The following MRPS27 variants were observed in gnomAD, a reference collection of about 807,000 sequenced individuals.
MRPS27 encodes the protein mitochondrial ribosomal protein S27, also known as small ribosomal subunit protein mS27.
Under a neutral mutation model 48.9 loss-of-function variants are expected in MRPS27, and 43 were observed. The observed-to-expected ratio is 0.88, with a 90% CI of 0.69 to 1.13. The LOEUF (loss-of-function observed/expected upper bound fraction) is 1.13, where lower values mean the gene tolerates loss of function less well. Ranked by LOEUF, MRPS27 falls within the 50% of genes most tolerant of loss-of-function variation. MRPS27 has a pLI of 0.00. For missense variants in MRPS27, 467 were observed against 476.3 expected (o/e 0.98, Z 0.18); for synonymous variants, 188 against 171.9 (o/e 1.09, Z -0.73).
At chr5:72,257,315 T>A (rs1282649675) in intron 4 of MRPS27, among the ~76,000 whole-genome samples, 1 of 152,202 alleles carries the variant, frequency 6.6e-6, no homozygotes. Flanking sequence ...AAATCAATAA[T>A]ATAATCCTGC....
chr5:72,258,251 G>A (rs1036484110), intron 4 of MRPS27, among the ~76,000 whole-genome samples: 12 of 152,076 alleles, frequency 7.9e-5, no homozygotes, highest in African/African-American at 2.9e-4. Flanking sequence ...TAGGAGAAGG[G>A]CCTACTGTTC....
intron 2 of MRPS27, among the ~76,000 whole-genome samples, chr5:72,304,638 A>C (rs1204286330): frequency 6.6e-6 from 1 of 152,234 alleles, no homozygotes; most frequent in East Asian, 1.9e-4. Context: ...GTGCACACCA[A>C]AGTAACACAG....
At chr5:72,271,540 A>G (rs1209948578) in intron 4 of MRPS27, among the ~76,000 whole-genome samples, 1 of 152,210 alleles carries the variant, frequency 6.6e-6, no homozygotes, top group African/African-American at 2.4e-5. Context: ...ATTGCTCTAG[A>G]TTAAAAGAGA....
intron 4 of MRPS27, among the ~76,000 whole-genome samples, chr5:72,251,371 C>A (rs1748660098): frequency 6.6e-6 from 1 of 152,124 alleles, no homozygotes; most frequent in Non-Finnish European, 1.5e-5. Flanking sequence ...CAAAGTTTTG[C>A]CAGTCAGGCT....
At chr5:72,295,383 A>G in intron 4 of MRPS27, 148 bp downstream of exon 4, 3 of 591,448 alleles carry the variant, frequency 5.1e-6, no homozygotes, top group Non-Finnish European at 8.9e-6. Flanking sequence ...GTTATAAAAA[A>G]TCAGAAACTC....
chr5:72,252,714 G>C (rs1189961939), intron 4 of MRPS27, among the ~76,000 whole-genome samples: 1 of 152,180 alleles, frequency 6.6e-6, no homozygotes, highest in African/African-American at 2.4e-5. Context: ...TAATGGAATT[G>C]CATTTGGCAT....
intron 4 of MRPS27, among the ~76,000 whole-genome samples, chr5:72,280,263 G>A (rs190078290): frequency 7.9e-5 from 12 of 152,284 alleles, no homozygotes; most frequent in Non-Finnish European, 1.3e-4. Flanking sequence ...AATTTCTGCT[G>A]AGATTTTGGT....
chr5:72,248,669 TAAAAAAAAAAAAAA>T (rs36063387), intron 4 of MRPS27, among the ~76,000 whole-genome samples: 2 of 70,294 alleles, frequency 2.8e-5, no homozygotes, highest in Non-Finnish European at 5.0e-5. Context: ...CATTTTCATT[TAAAAAAAAAAAAAA>T]AAAAAAAAAA....
In MRPS27 at chr5:72,249,512, C is replaced by T. The variant is rs553353337; in HGVS notation, c.282-11384G>A. 5.3e-5 allele frequency among the ~76,000 whole-genome samples: 8 copies of T among 151,864 alleles called. No homozygotes were observed. The East Asian group carries it at 7.8e-4, about 15-fold the overall frequency. ...CAGCCTGGCCAAAATGGTGAAACCCCGTCTCTACTAAAAAATACAAAAATT... is the reference window on the plus strand; with the variant it reads ...CAGCCTGGCCAAAATGGTGAAACCCTGTCTCTACTAAAAAATACAAAAATT... On this transcript the variant is annotated intron_variant, in intron 4 of 10. Transcript: ENST00000261413.
intron 6 of MRPS27, among the ~76,000 whole-genome samples, chr5:72,233,590 A>G (rs1748117485): frequency 6.6e-6 from 1 of 152,144 alleles, no homozygotes; most frequent in Non-Finnish European, 1.5e-5. Context: ...GGCCACACGC[A>G]TGGATTTCTA....
chr5:72,248,195 A>G (rs1046193935), intron 4 of MRPS27, among the ~76,000 whole-genome samples: 28 of 152,224 alleles, frequency 1.8e-4, no homozygotes, highest in African/African-American at 6.8e-4. Context: ...TGAATATTTG[A>G]AATTATACAA....
At chr5:72,230,984 C>G (rs56320323) in intron 7 of MRPS27, among the ~76,000 whole-genome samples, 2 of 152,084 alleles carry the variant, frequency 1.3e-5, no homozygotes, top group Admixed American at 6.6e-5. Context: ...GGTAGTCTCT[C>G]GGATGGTCTG....
chr5:72,228,566 C>T, intron 7 of MRPS27, 198 bp from the exon 8 acceptor site: 1 of 413,920 alleles, frequency 2.4e-6, no homozygotes, highest in Non-Finnish European at 4.2e-6. Context: ...AAAGAAATAC[C>T]CTATATGTTA....
At chr5:72,269,108 T>G (rs995004070) in intron 4 of MRPS27, among the ~76,000 whole-genome samples, 1 of 152,230 alleles carries the variant, frequency 6.6e-6, no homozygotes, top group African/African-American at 2.4e-5. Flanking sequence ...TTCAGGATTG[T>G]TGCATATGAG....
intron 4 of MRPS27, among the ~76,000 whole-genome samples, chr5:72,293,428 A>G (rs1296566903): frequency 1.3e-5 from 2 of 152,228 alleles, no homozygotes; most frequent in Non-Finnish European, 2.9e-5. Context: ...TGTCCAATTA[A>G]ACAGTGGCTC....
chr5:72,225,666 T>C (rs537776357), intron 9 of MRPS27, among the ~76,000 whole-genome samples: 10 of 152,332 alleles, frequency 6.6e-5, no homozygotes, highest in Admixed American at 2.0e-4. Context: ...GATTCATTTC[T>C]TGAGGACTTT....
At chr5:72,292,686 C>T (rs548012166) in intron 4 of MRPS27, among the ~76,000 whole-genome samples, 6 of 152,166 alleles carry the variant, frequency 3.9e-5, no homozygotes, top group Non-Finnish European at 8.8e-5. Context: ...TGGCTCTAGA[C>T]TTTACATAAT....
chr5:72,266,585 C>A (rs149041671), intron 4 of MRPS27, among the ~76,000 whole-genome samples: 1 of 152,170 alleles, frequency 6.6e-6, no homozygotes, highest in Non-Finnish European at 1.5e-5. Flanking sequence ...CCATGCTGGG[C>A]GTGGTGGCTC....
At chr5:72,223,002 G>GA (rs1185339091) in intron 10 of MRPS27, among the ~76,000 whole-genome samples, 2 of 152,194 alleles carry the variant, frequency 1.3e-5, no homozygotes, top group East Asian at 3.8e-4. Context: ...TTCCCATTCT[G>GA]ACAGCATTTT....
Sources: gnomAD v4.1 joint callset for allele counts (sites outside exome capture counted in the v4.1 genomes callset) on GRCh38, gnomAD v4.1.1 for gene constraint, MANE v1.5 for transcripts, NCBI Gene and HGNC (gene_info 2026-07-23, HGNC 2026-07-21) for gene names.